PPP2R2B: variants seen among roughly 807,000 people sequenced by gnomAD.
PPP2R2B encodes protein phosphatase 2 regulatory subunit Bbeta.
A neutral mutation model predicts 46.0 loss-of-function variants in PPP2R2B; 5 were observed. That is an observed-to-expected ratio of 0.11 (90% CI 0.06 to 0.23). The LOEUF (loss-of-function observed/expected upper bound fraction) is 0.23, where lower values mean the gene tolerates loss of function less well. PPP2R2B is among the 10% of genes least tolerant of loss of function. PPP2R2B has a pLI of 1.00. For missense variants in PPP2R2B, 367 were observed against 575.0 expected (o/e 0.64, Z 3.70); for synonymous variants, 215 against 206.7 (o/e 1.04, Z -0.34).
intron 1 of PPP2R2B, among the ~76,000 whole-genome samples, chr5:146,885,733 A>G (rs944593063): frequency 3.3e-5 from 5 of 152,252 alleles, no homozygotes. Flanking sequence ...ATGTCCATCA[A>G]CTGATAGATG....
At chr5:146,988,792 C>A (rs1415438824) in intron 1 of PPP2R2B, among the ~76,000 whole-genome samples, 2 of 151,272 alleles carry the variant, frequency 1.3e-5, no homozygotes, top group Admixed American at 1.3e-4. Context: ...GAAATAGAGA[C>A]AAAAAATTTA....
At chr5:146,653,847 G>A (rs186495044) in intron 5 of PPP2R2B, among the ~76,000 whole-genome samples, 7 of 152,086 alleles carry the variant, frequency 4.6e-5, no homozygotes, top group Non-Finnish European at 8.8e-5. Flanking sequence ...GATAAGACAG[G>A]GGGGATGGAG....
intron 5 of PPP2R2B, 144 bp from the exon 6 acceptor site, chr5:146,650,868 C>T (rs1775905472): frequency 1.6e-5 from 11 of 700,380 alleles, no homozygotes; most frequent in South Asian, 1.5e-4. Flanking sequence ...AGGCTAATAA[C>T]GAATCACACA....
chr5:146,585,259 TACACACACACACACACACAC>T lies in PPP2R2B; in HGVS notation c.*4668_*4687del, dbSNP rs6149281. On this transcript the variant is annotated 3_prime_UTR_variant, in exon 10 of 10. Coordinates refer to ENST00000394411, the MANE Select transcript of PPP2R2B (RefSeq NM_181675.4). ...GATCAGTAACTTCCATCTACATGCA[TACACACACACACACACACAC>T]ACACACACACACACACACACACATA... 12 of 129,954 alleles carry T rather than the reference TACACACACACACACACACAC, an allele frequency of 9.2e-5. No homozygotes were observed. The highest frequency in any genetic ancestry group is 2.3e-4 in the Admixed American group (3 of 12,888). The allele number at this position is 129,954 out of a possible 1,614,324, so 8.1% of individuals were successfully genotyped here.
intron 7 of PPP2R2B, among the ~76,000 whole-genome samples, chr5:146,616,097 C>G (rs950475509): frequency 6.6e-6 from 1 of 152,082 alleles, no homozygotes; most frequent in African/African-American, 2.4e-5. Flanking sequence ...ACAGTGAACT[C>G]ATTTTCAACA....
Position 146,585,915 on chromosome 5 carries a change from T to C in PPP2R2B, c.*4032A>G, listed in dbSNP as rs549216307. On this transcript the variant is annotated 3_prime_UTR_variant, in exon 10 of 10. Coordinates refer to ENST00000394411, the MANE Select transcript of PPP2R2B (RefSeq NM_181675.4). ...GACTGAGTGGGTAGCTTAAGTTCCA[T>C]GGTTACCAGGAGCAGGACCCACGTT... 3.9e-5 allele frequency: 6 copies of C among 152,186 alleles called. No individual in the cohort carries two copies. The highest frequency in any genetic ancestry group is 1.4e-4 in the African/African-American group (6 of 41,438). The allele number at this position is 152,186 out of a possible 1,614,324, so 9.4% of individuals were successfully genotyped here. A position where few individuals can be genotyped will look rare whatever the true frequency, so the allele number is the denominator to read the frequency against.
chr5:147,004,700 AG>A (rs957314656), intron 1 of PPP2R2B, among the ~76,000 whole-genome samples: 2 of 152,152 alleles, frequency 1.3e-5, no homozygotes, highest in Non-Finnish European at 1.5e-5. Context: ...CTGCTTGAGG[AG>A]GGAATCAACC....
intron 9 of PPP2R2B, among the ~76,000 whole-genome samples, chr5:146,592,731 C>G (rs1240472945): frequency 6.6e-6 from 1 of 152,178 alleles, no homozygotes; most frequent in African/African-American, 2.4e-5. Flanking sequence ...ATAGGACTTT[C>G]TTATTAACAT....
chr5:146,941,531 A>G (rs1008532427), intron 1 of PPP2R2B, among the ~76,000 whole-genome samples: 2 of 152,188 alleles, frequency 1.3e-5, no homozygotes, highest in Non-Finnish European at 2.9e-5. Flanking sequence ...GTTCAGAACC[A>G]CATCAGCATT....
At chr5:146,984,517 G>T (rs1043170861) in intron 1 of PPP2R2B, among the ~76,000 whole-genome samples, 1 of 152,108 alleles carries the variant, frequency 6.6e-6, no homozygotes, top group African/African-American at 2.4e-5. Flanking sequence ...CCATAACTTG[G>T]CTATTGTGAA....
At chr5:146,714,153 C>T (rs373014349) in intron 2 of PPP2R2B, among the ~76,000 whole-genome samples, 77 of 152,126 alleles carry the variant, frequency 5.1e-4, no homozygotes, top group African/African-American at 1.7e-3. Flanking sequence ...ATCAAAGAAA[C>T]GTAATGTCCT....
At chr5:146,728,705 A>G (rs1282774167) in intron 2 of PPP2R2B, among the ~76,000 whole-genome samples, 1 of 152,170 alleles carries the variant, frequency 6.6e-6, no homozygotes, top group Non-Finnish European at 1.5e-5. Flanking sequence ...TGCTATTCTC[A>G]TGATAGTGAA....
chr5:147,020,111 C>T (rs570236886), intron 1 of PPP2R2B, among the ~76,000 whole-genome samples: 1 of 152,180 alleles, frequency 6.6e-6, no homozygotes, highest in African/African-American at 2.4e-5. Context: ...GTTAGAGTTG[C>T]ATCACTTTCT....
chr5:146,691,084 A>T, intron 5 of PPP2R2B, 44 bp downstream of exon 5: 1 of 1,561,164 alleles, frequency 6.4e-7, no homozygotes, highest in South Asian at 1.1e-5. Context: ...ACCTTAGGAG[A>T]CCTGCCCCTG....
intron 1 of PPP2R2B, among the ~76,000 whole-genome samples, chr5:147,012,605 T>G (rs1272019678): frequency 6.6e-6 from 1 of 152,082 alleles, no homozygotes; most frequent in African/African-American, 2.4e-5. Flanking sequence ...TCTTAGTTAT[T>G]TCTTGCCTTC....
At chr5:146,929,689 C>CA (rs1458293227) in intron 1 of PPP2R2B, among the ~76,000 whole-genome samples, 4 of 151,550 alleles carry the variant, frequency 2.6e-5, no homozygotes, top group Admixed American at 1.3e-4. Context: ...GCTCAAACTT[C>CA]AAAAAAAAGA....
chr5:147,015,658 C>A (rs1012997688), intron 1 of PPP2R2B, among the ~76,000 whole-genome samples: 6 of 151,472 alleles, frequency 4.0e-5, no homozygotes, highest in African/African-American at 1.2e-4. Context: ...AATTTGCATG[C>A]CTTCACAGTG....
At chr5:146,752,080 G>T (rs1437604460) in intron 2 of PPP2R2B, among the ~76,000 whole-genome samples, 1 of 152,042 alleles carries the variant, frequency 6.6e-6, no homozygotes, top group African/African-American at 2.4e-5. Flanking sequence ...GAGAACAGAT[G>T]GTGGATAGAA....
chr5:146,860,159 A>C (rs1203245069), intron 2 of PPP2R2B, among the ~76,000 whole-genome samples: 1 of 152,184 alleles, frequency 6.6e-6, no homozygotes, highest in South Asian at 2.1e-4. Context: ...TTCCTTTTAT[A>C]GCTCTCATCT....
Sources: gnomAD v4.1 joint callset for allele counts (sites outside exome capture counted in the v4.1 genomes callset) on GRCh38, gnomAD v4.1.1 for gene constraint, MANE v1.5 for transcripts, NCBI Gene and HGNC (gene_info 2026-07-23, HGNC 2026-07-21) for gene names.